Variants in NBAS observed in about 807,000 individuals in gnomAD.
The protein encoded by NBAS is NAG/BC035112 fusion.
A neutral mutation model predicts 302.5 loss-of-function variants in NBAS; 219 were observed. That is an observed-to-expected ratio of 0.72 (90% CI 0.65 to 0.81). The LOEUF (loss-of-function observed/expected upper bound fraction) is 0.81. Ranked by LOEUF, NBAS falls within the 30% of genes least tolerant of loss-of-function variation. NBAS has a pLI of 0.00. For synonymous variants in NBAS, 1,118 were observed against 1,021.6 expected, an observed-to-expected ratio of 1.09 and a Z score of -1.80; for missense variants, 2,932 against 2,841.6, an observed-to-expected ratio of 1.03 and a Z score of -0.72.
At chr2:15,272,153 T>C (rs1005691758) in intron 44 of NBAS, among the ~76,000 whole-genome samples, 9 of 152,186 alleles carry the variant, frequency 5.9e-5, no homozygotes, top group Non-Finnish European at 1.0e-4. Context: ...TACCAGTGGA[T>C]TGGGCACTCA....
intron 6 of NBAS, among the ~76,000 whole-genome samples, chr2:15,549,747 T>C (rs1343806908): frequency 6.6e-6 from 1 of 151,686 alleles, no homozygotes; most frequent in East Asian, 1.9e-4. Flanking sequence ...AATAAATAAA[T>C]AAAATTACTA....
At chr2:15,089,845 T>C in the NBAS span, among the ~76,000 whole-genome samples, 1 of 148,600 alleles carries the variant, frequency 6.7e-6, no homozygotes, top group Non-Finnish European at 1.5e-5. Flanking sequence ...GCCTCCCAGG[T>C]TCCAGCGATT....
the NBAS span, among the ~76,000 whole-genome samples, chr2:15,060,517 C>T: frequency 6.6e-6 from 1 of 152,082 alleles, no homozygotes; most frequent in African/African-American, 2.4e-5. Context: ...TGGGAGGCAT[C>T]GGTGACAAGC....
At chr2:15,129,761 A>G in the NBAS span, among the ~76,000 whole-genome samples, 1 of 152,000 alleles carries the variant, frequency 6.6e-6, no homozygotes, top group South Asian at 2.1e-4. Context: ...GCCTCCTTTG[A>G]GTTCTCATGA....
chr2:14,791,461 G>A, the NBAS span, among the ~76,000 whole-genome samples: 3 of 152,130 alleles, frequency 2.0e-5, no homozygotes, highest in African/African-American at 7.2e-5. Context: ...TTCACTGGGT[G>A]TAAAATTTTG....
chr2:15,114,089 G>A, the NBAS span, among the ~76,000 whole-genome samples: 6 of 152,270 alleles, frequency 3.9e-5, no homozygotes, highest in Admixed American at 2.6e-4. Flanking sequence ...ACACCAGACT[G>A]TGAGAAATTC....
chr2:15,009,554 T>C, the NBAS span, among the ~76,000 whole-genome samples: 1 of 150,940 alleles, frequency 6.6e-6, no homozygotes, highest in East Asian at 1.9e-4. Context: ...CCATGAAGGA[T>C]ATAACATGTT....
the NBAS span, among the ~76,000 whole-genome samples, chr2:14,901,577 C>G: frequency 6.6e-6 from 1 of 151,824 alleles, no homozygotes; most frequent in South Asian, 2.1e-4. Context: ...AGAGAATTAA[C>G]AATAAATGAG....
chr2:15,239,329 ATG>A (rs572246058), intron 44 of NBAS, among the ~76,000 whole-genome samples: 12 of 150,610 alleles, frequency 8.0e-5, no homozygotes, highest in African/African-American at 1.2e-4. Flanking sequence ...TTTCTATTTT[ATG>A]TGTGTGTGTA....
rs531100279 is a variant in NBAS at position 15,505,741 on chromosome 2, G to A, written c.886-1528C>T. ...CAAAAGTCAACACGTGTCAACAAAGGGAAATTATGGCTGAAAAAACAACCA... is the reference window on the plus strand; with the variant it reads ...CAAAAGTCAACACGTGTCAACAAAGAGAAATTATGGCTGAAAAAACAACCA... On this transcript the variant is annotated intron_variant, in intron 10 of 51. Coordinates refer to ENST00000281513, the MANE Select transcript of NBAS (RefSeq NM_015909.4). Among the ~76,000 whole-genome samples the A allele has an allele frequency of 1.6e-4, 25 of 152,180 alleles. 1 individual carries two copies. The South Asian group carries it at 3.1e-3, about 19-fold the overall frequency.
chr2:14,820,190 G>C, the NBAS span, among the ~76,000 whole-genome samples: 1 of 152,166 alleles, frequency 6.6e-6, no homozygotes, highest in Non-Finnish European at 1.5e-5. Context: ...GGAAATCAGT[G>C]TATCAAGGAT....
intron 11 of NBAS, among the ~76,000 whole-genome samples, chr2:15,496,073 T>TAC (rs1399743849): frequency 1.4e-5 from 2 of 144,626 alleles, no homozygotes; most frequent in African/African-American, 2.6e-5. Context: ...TGTATATATA[T>TAC]ACACACACAC....
Position 15,225,039 on chromosome 2 carries a change from AT to A in NBAS, c.6237-6072del, listed in dbSNP as rs1381135187. Among the ~76,000 whole-genome samples the A allele has an allele frequency of 3.3e-5, 5 of 152,332 alleles. No homozygotes were observed. The East Asian group carries it at 9.6e-4, about 29-fold the overall frequency. On this transcript the variant is annotated intron_variant, in intron 47 of 51. Transcript: ENST00000281513. The stretch of plus-strand genomic sequence containing the variant: ...TTTAGGAAAATCATAATCAAGGTAT[AT>A]TAAAAGAAAAATGCCTGGAATGGTA...
At chr2:15,340,036 G>A (rs865827963) in intron 35 of NBAS, among the ~76,000 whole-genome samples, 1 of 152,140 alleles carries the variant, frequency 6.6e-6, no homozygotes, top group Non-Finnish European at 1.5e-5. Context: ...CTTAACAGTG[G>A]AGAAAAGAGA....
the NBAS span, among the ~76,000 whole-genome samples, chr2:14,795,474 C>CATATATATAT: frequency 3.5e-4 from 52 of 147,842 alleles, 4 homozygotes; most frequent in African/African-American, 1.4e-3. Flanking sequence ...CAAGATTTTA[C>CATATATATAT]ATATATATAT....
chr2:15,421,330 A>G (rs1171822196), intron 23 of NBAS, among the ~76,000 whole-genome samples: 1 of 152,184 alleles, frequency 6.6e-6, no homozygotes, highest in Non-Finnish European at 1.5e-5. Flanking sequence ...TTGCCTTCCC[A>G]AATACTTACT....
chr2:15,097,112 C>T, the NBAS span, among the ~76,000 whole-genome samples: 2 of 152,104 alleles, frequency 1.3e-5, no homozygotes, highest in African/African-American at 4.8e-5. Context: ...CTGTCCAAGG[C>T]AGGGGAGGGA....
chr2:14,873,148 T>A, the NBAS span, among the ~76,000 whole-genome samples: 1 of 152,144 alleles, frequency 6.6e-6, no homozygotes, highest in East Asian at 1.9e-4. Flanking sequence ...GATTAGTCCA[T>A]TTCACAGAGA....
At chr2:15,049,027 C>T in the NBAS span, among the ~76,000 whole-genome samples, 1 of 152,240 alleles carries the variant, frequency 6.6e-6, no homozygotes, top group African/African-American at 2.4e-5. Context: ...CAAGGAAGAC[C>T]AGGAGTCAGC....
Sources: gnomAD v4.1 joint callset for allele counts (sites outside exome capture counted in the v4.1 genomes callset) on GRCh38, gnomAD v4.1.1 for gene constraint, MANE v1.5 for transcripts, NCBI Gene and HGNC (gene_info 2026-07-23, HGNC 2026-07-21) for gene names.